LRRC7: variants seen among roughly 807,000 people sequenced by gnomAD.
The protein encoded by LRRC7 is leucine-rich repeat-containing protein 7.
In LRRC7, 23 loss-of-function variants were observed where a neutral mutation model predicts 175.7. That is an observed-to-expected ratio of 0.13 (90% confidence interval 0.09 to 0.19). The LOEUF (loss-of-function observed/expected upper bound fraction) is 0.19. LRRC7 is among the 10% of genes least tolerant of loss of function. The pLI is 1.00. For synonymous variants in LRRC7, 685 were observed against 680.9 expected (o/e 1.01, Z -0.09); for missense variants, 1,354 against 1,904.7 (o/e 0.71, Z 5.38).
chr1:70,036,733 G>A, intron 20 of LRRC7, 109 bp downstream of exon 20: 1 of 1,157,864 alleles, frequency 8.6e-7, no homozygotes, highest in Non-Finnish European at 1.2e-6. Flanking sequence ...AAGTGGCATA[G>A]AAGACAGAAG....
chr1:69,720,607 T>A, intron 2 of LRRC7, among the ~76,000 whole-genome samples: 1 of 133,196 alleles, frequency 7.5e-6, no homozygotes, highest in Non-Finnish European at 1.6e-5. Flanking sequence ...CTTTTAGTGC[T>A]GGTATCCTGG....
rs148814251 is a variant in LRRC7, at chr1:70,039,399, G to T, written c.3575G>T (p.Arg1192Leu). ...GRPPYRGGLD[R>L]QSSVTVTESQ... ...CCCCCATATAGGGGAGGGCTGGATC[G>T]CCAAAGCAGCGTTACAGTGACTGAG... The change falls in exon 21 of 27, where the codon CGC (arginine) becomes CTC (leucine). Residue 1192 changes from arginine (R) to leucine (L), a missense_variant. Transcript: ENST00000651989. The T allele has an allele frequency of 6.2e-7, 1 of 1,613,972 alleles. No homozygotes were observed. Among genetic ancestry groups the T allele is most frequent in the African/African-American group, 1.3e-5 (1 of 74,924 alleles).
chr1:69,836,378 G>T (rs948265956), intron 6 of LRRC7, among the ~76,000 whole-genome samples: 1 of 151,886 alleles, frequency 6.6e-6, no homozygotes, highest in African/African-American at 2.4e-5. Context: ...TGCCTTTCTG[G>T]TACTGACCAC....
intron 1 of LRRC7, among the ~76,000 whole-genome samples, chr1:69,599,814 G>A (rs1039870804): frequency 6.6e-6 from 1 of 152,144 alleles, no homozygotes; most frequent in African/African-American, 2.4e-5. Context: ...ATAAATCATG[G>A]TTGTTCTAGC....
Position 69,600,060 on chromosome 1 carries a change from C to T in LRRC7, c.2+31419C>T, listed in dbSNP as rs987176472. ...TCTAGGCTTTACCTTACAGGTCAGG[C>T]AAAACAATTCTTAAAAAAATTTATT... is the stretch of plus-strand genomic sequence containing the variant. On this transcript the variant is annotated intron_variant, in intron 1 of 26. Transcript: ENST00000651989. Among the ~76,000 whole-genome samples, 8 of 152,096 alleles carry T rather than the reference C, an allele frequency of 5.3e-5. 1 individual carries two copies.
At chr1:69,802,106 A>T (rs927630021) in intron 4 of LRRC7, among the ~76,000 whole-genome samples, 10 of 151,234 alleles carry the variant, frequency 6.6e-5, no homozygotes, top group Admixed American at 1.3e-4. Context: ...CACTTTTTTT[A>T]AATTTATTGA....
intron 1 of LRRC7, among the ~76,000 whole-genome samples, chr1:69,593,811 C>T (rs1303747669): frequency 1.3e-5 from 2 of 152,186 alleles, no homozygotes; most frequent in East Asian, 1.9e-4. Flanking sequence ...CAGGTAAACC[C>T]GATCTGAGTC....
chr1:69,597,249 A>G (rs1003494021), intron 1 of LRRC7, among the ~76,000 whole-genome samples: 1 of 152,158 alleles, frequency 6.6e-6, no homozygotes, highest in African/African-American at 2.4e-5. Flanking sequence ...AGTAAAAGAC[A>G]GGGGTTAGAT....
chr1:69,756,484 A>G (rs577746915), intron 2 of LRRC7, among the ~76,000 whole-genome samples: 13 of 151,950 alleles, frequency 8.6e-5, no homozygotes, highest in African/African-American at 3.1e-4. Flanking sequence ...AATTTTCAAG[A>G]GTGAGGAAAA....
chr1:70,039,175 C>T lies in LRRC7; in HGVS notation c.3351C>T (p.Tyr1117=). Residue 1117 remains tyrosine, a synonymous_variant, in exon 21 of 27, where the codon TAC becomes TAT. Coordinates refer to ENST00000651989, the MANE Select transcript of LRRC7 (RefSeq NM_001370785.2). The stretch of plus-strand genomic sequence containing the variant: ...TTAGTCCTAGAGCTTACAGAGGATA[C>T]CCACCGATGGAGCAAATGTTTTCAT... The part of the protein sequence containing the change: ...DLISPRAYRG[Y]PPMEQMFSFS... 6.2e-7 allele frequency: 1 copy of T among 1,614,132 alleles called. No homozygotes were observed. The highest frequency in any genetic ancestry group is 1.1e-5 in the South Asian group (1 of 91,084).
intron 1 of LRRC7, among the ~76,000 whole-genome samples, chr1:69,665,441 C>T (rs565555638): frequency 1.3e-5 from 2 of 151,978 alleles, no homozygotes; most frequent in Non-Finnish European, 2.9e-5. Context: ...ATTGTTGATT[C>T]TTCCAATTCA....
chr1:70,049,389 G>C (rs763892322), intron 22 of LRRC7, among the ~76,000 whole-genome samples: 10 of 152,052 alleles, frequency 6.6e-5, no homozygotes, highest in Non-Finnish European at 1.2e-4. Context: ...ATTCACCCTA[G>C]TGCCAAGACT....
chr1:70,016,605 T>C (rs1656983811), intron 14 of LRRC7, 71 bp downstream of exon 14: 1 of 1,164,080 alleles, frequency 8.6e-7, no homozygotes, highest in African/African-American at 1.6e-5. Flanking sequence ...ACTAATTTAT[T>C]CCCAATAGAT....
intron 3 of LRRC7, among the ~76,000 whole-genome samples, chr1:69,765,318 G>T (rs1311487574): frequency 2.0e-5 from 3 of 152,106 alleles, no homozygotes; most frequent in African/African-American, 7.2e-5. Flanking sequence ...GAGAGGTTAT[G>T]CTGCAGTAAA....
intron 4 of LRRC7, among the ~76,000 whole-genome samples, chr1:69,812,737 G>A (rs1202487992): frequency 6.6e-6 from 1 of 152,006 alleles, no homozygotes; most frequent in Non-Finnish European, 1.5e-5. Context: ...GAAAACATAA[G>A]CATTCAATAT....
At chr1:69,950,247 A>G (rs928012387) in intron 8 of LRRC7, among the ~76,000 whole-genome samples, 2 of 152,142 alleles carry the variant, frequency 1.3e-5, no homozygotes, top group East Asian at 3.8e-4. Flanking sequence ...ATGGATGGAT[A>G]GATGATAATA....
chr1:70,115,294 T>TG (rs1021684987), intron 26 of LRRC7, among the ~76,000 whole-genome samples: 4 of 152,212 alleles, frequency 2.6e-5, no homozygotes, highest in African/African-American at 9.6e-5. Context: ...AAGCATTTTT[T>TG]GTGTAAGGTT....
intron 1 of LRRC7, among the ~76,000 whole-genome samples, chr1:69,606,441 C>T (rs890104613): frequency 1.3e-5 from 2 of 151,978 alleles, no homozygotes; most frequent in African/African-American, 4.8e-5. Flanking sequence ...CTCCTATCTT[C>T]AAAAATCATT....
chr1:69,977,321 A>G (rs1330496540), intron 8 of LRRC7, among the ~76,000 whole-genome samples: 2 of 152,192 alleles, frequency 1.3e-5, no homozygotes, highest in African/African-American at 4.8e-5. Context: ...CATTAAAAAT[A>G]TTTTAATTAT....
Sources: allele counts gnomAD v4.1 joint callset (sites outside exome capture counted in the v4.1 genomes callset), GRCh38; gene constraint gnomAD v4.1.1; transcripts MANE v1.5; gene names NCBI Gene and HGNC (gene_info 2026-07-23, HGNC 2026-07-21).